Variants in GGT5 observed in about 807,000 individuals in gnomAD.
GGT5 encodes gamma-glutamyltransferase 5.
In GGT5, 50 loss-of-function variants were observed where a neutral mutation model predicts 58.1. The ratio of observed to expected loss-of-function variants is 0.86; its 90% CI spans 0.69 to 1.09. The LOEUF is 1.09. GGT5 is among the 50% of genes least tolerant of loss of function. GGT5 has a pLI of 0.00. For synonymous variants in GGT5, 370 were observed against 346.1 expected, an observed-to-expected ratio of 1.07 and a Z score of -0.77; for missense variants, 800 against 789.4, an observed-to-expected ratio of 1.01 and a Z score of -0.16.
chr22:24,231,336 G>A (rs1278893252), intron 6 of GGT5, 48 bp downstream of exon 6: 3 of 1,379,758 alleles, frequency 2.2e-6, no homozygotes, highest in South Asian at 1.3e-5. Flanking sequence ...CGGGGGCCGG[G>A]GGTGCGGGGG....
Position 24,219,974 on chromosome 22 carries a change from T to C in GGT5, c.1757A>G (p.Tyr586Cys), listed in dbSNP as rs1467161507. The change falls in exon 12 of 12, where the codon TAC (tyrosine) becomes TGC (cysteine). Residue 586 changes from tyrosine (Y) to cysteine (C), a missense_variant. Tyr to Cys is a radical substitution (Grantham distance 194). Transcript: ENST00000327365. ...AGCTCTGGGCAGAGCAGTGTCTTAG[T>C]AGCCTGCGGCCTCCCCACTCTTCCT... ...DLRKSGEAAGY is the reference protein window; with the variant it reads ...DLRKSGEAAGC 3 of 1,614,004 alleles carry C rather than the reference T, an allele frequency of 1.9e-6. No individual in the cohort carries two copies. The highest frequency in any genetic ancestry group is 2.5e-6 in the Non-Finnish European group (3 of 1,179,926).
At chr22:24,238,805 ATAATATATT>A in intron 1 of GGT5, among the ~76,000 whole-genome samples, 2 of 2,816 alleles carry the variant, frequency 7.1e-4, no homozygotes, top group East Asian at 0.011. Context: ...TTATATATAT[ATAATATATT>A]ATATATATAT....
intron 1 of GGT5, among the ~76,000 whole-genome samples, chr22:24,238,256 G>T (rs534078718): frequency 6.7e-6 from 1 of 149,910 alleles, no homozygotes; most frequent in Non-Finnish European, 1.5e-5. Context: ...AAGGCCAGGC[G>T]CGGTGACTCA....
chr22:24,220,059 G>A lies in GGT5; in HGVS notation c.1672C>T (p.Leu558=), dbSNP rs1362686747. The A allele has an allele frequency of 6.2e-7, 1 of 1,614,166 alleles. No homozygotes were observed. Among genetic ancestry groups the A allele is most frequent in the Admixed American group, 1.7e-5 (1 of 60,026 alleles). ...GQNQTQRPFF[L]NVVQAVSQEG... Reference sequence around the variant, plus strand: ...TGGGACACAGCCTGGACCACGTTCAGGAAGAAGGGCCTCTGGGTCTGGTTC... The same window carrying A: ...TGGGACACAGCCTGGACCACGTTCAAGAAGAAGGGCCTCTGGGTCTGGTTC... Residue 558 remains leucine (L), a synonymous_variant, in exon 12 of 12, where the codon CTG becomes TTG. Coordinates refer to ENST00000327365, the MANE Select transcript of GGT5 (RefSeq NM_004121.5).
intron 3 of GGT5, 144 bp from the exon 4 acceptor site, chr22:24,233,162 T>C: frequency 1.5e-6 from 1 of 662,714 alleles, no homozygotes; most frequent in Non-Finnish European, 2.5e-6. Context: ...CCTGCTCAAA[T>C]CACCTGTGGC....
Position 24,220,068 on chromosome 22 carries a change from G to A in GGT5, c.1663C>T (p.Pro555Ser), listed in dbSNP as rs368177509. The A allele has an allele frequency of 3.7e-6, 6 of 1,614,054 alleles. No individual in the cohort carries two copies. Among genetic ancestry groups the A allele is most frequent in the South Asian group, 1.1e-5 (1 of 91,078 alleles). ...QDRGQNQTQR[P>S]FFLNVVQAVS... ...GCCTGGACCACGTTCAGGAAGAAGG[G>A]CCTCTGGGTCTGGTTCTGGCCACGG... The change falls in exon 12 of 12, where the codon CCC (proline) becomes TCC (serine). Residue 555 changes from proline to serine, a missense_variant. Transcript: ENST00000327365.
chr22:24,238,897 ATATATATATT>A (rs568331996), intron 1 of GGT5, among the ~76,000 whole-genome samples: 13 of 12,518 alleles, frequency 1.0e-3, no homozygotes, highest in Middle Eastern at 0.033. Context: ...TATTTTATAT[ATATATATATT>A]ATATATATTA....
At chr22:24,241,390 C>A (rs2048325184) in intron 1 of GGT5, 1 of 152,164 alleles carries the variant, frequency 6.6e-6, no homozygotes, top group South Asian at 2.1e-4. Context: ...TGGAACCTAA[C>A]ATCTGTAGAG....
chr22:24,238,349 G>A (rs1352599723), intron 1 of GGT5, among the ~76,000 whole-genome samples: 1 of 151,896 alleles, frequency 6.6e-6, no homozygotes, highest in Non-Finnish European at 1.5e-5. Context: ...GGCGAATATG[G>A]TGAAACTCTG....
Position 24,232,095 on chromosome 22 carries a change from G to T in GGT5, c.710C>A (p.Thr237Lys). 6.2e-7 allele frequency: 1 copy of T among 1,612,912 alleles called. No individual in the cohort carries two copies. The highest frequency in any genetic ancestry group is 1.1e-5 in the South Asian group (1 of 90,872). Residue 237 changes from threonine (T) to lysine (K), a missense_variant, in exon 5 of 12, where the codon ACG (threonine) becomes AAG (lysine). Physicochemically the swap from Thr to Lys is moderately conservative, Grantham distance 78. Coordinates refer to ENST00000327365, the MANE Select transcript of GGT5 (RefSeq NM_004121.5). The stretch of plus-strand genomic sequence containing the variant: ...CACCAGCATCTGGCCCAGCCTCCCC[G>T]TGTAGAAGACCTCCACGCCCTCTGT... ...VATEGVEVFY[T>K]GRLGQMLVED... is the part of the protein sequence containing the mutation.
chr22:24,220,596 AAAAT>A (rs1191372471), intron 11 of GGT5: 1 of 450,728 alleles, frequency 2.2e-6, no homozygotes, highest in South Asian at 1.6e-5. Context: ...TAAAAAATAA[AAAAT>A]AAGAAATAAA....
At chr22:24,234,631 C>T (rs940018515) in intron 1 of GGT5, among the ~76,000 whole-genome samples, 5 of 152,132 alleles carry the variant, frequency 3.3e-5, no homozygotes, top group Non-Finnish European at 5.9e-5. Flanking sequence ...ACCAGCTTGG[C>T]CAACATGGTG....
At chr22:24,230,295 G>C (rs2047899676) in intron 6 of GGT5, among the ~76,000 whole-genome samples, 1 of 151,926 alleles carries the variant, frequency 6.6e-6, no homozygotes, top group African/African-American at 2.4e-5. Context: ...TTGTACCTGG[G>C]AGGCAGAGGT....
chr22:24,230,424 G>A (rs1008026489), intron 6 of GGT5, among the ~76,000 whole-genome samples: 4 of 151,628 alleles, frequency 2.6e-5, no homozygotes, highest in Non-Finnish European at 5.9e-5. Flanking sequence ...GGCGTGTGGT[G>A]GCCCATGCCT....
chr22:24,222,879 C>T (rs2047636315), intron 11 of GGT5, among the ~76,000 whole-genome samples: 2 of 150,620 alleles, frequency 1.3e-5, no homozygotes, highest in Non-Finnish European at 3.0e-5. Flanking sequence ...AGATCGAGAC[C>T]ATCCTGGCTA....
Position 24,236,777 on chromosome 22 carries a change from A to AT in GGT5, c.174-2774_174-2773insA, listed in dbSNP as rs2048110353. Reference sequence around the variant, plus strand: ...GACTCCATCTCAAAAAAAAAAAAAAAATCTGTTAAACGTAAATCAGACTTC... The same window carrying AT: ...GACTCCATCTCAAAAAAAAAAAAAAATATCTGTTAAACGTAAATCAGACTTC... On this transcript the variant is annotated intron_variant, in intron 1 of 11. Coordinates refer to ENST00000327365, the MANE Select transcript of GGT5 (RefSeq NM_004121.5). 4.6e-5 allele frequency among the ~76,000 whole-genome samples: 7 copies of AT among 151,428 alleles called. No individual in the cohort carries two copies. The South Asian group carries it at 1.5e-3, about 32-fold the overall frequency.
At chr22:24,237,598 A>G (rs945585764) in intron 1 of GGT5, among the ~76,000 whole-genome samples, 8 of 151,990 alleles carry the variant, frequency 5.3e-5, no homozygotes, top group South Asian at 4.1e-4. Context: ...CAGTAGAGAC[A>G]GGGTTTCACT....
chr22:24,219,807 G>T lies in GGT5; in HGVS notation c.*163C>A. 2 of 653,982 alleles carry T rather than the reference G, an allele frequency of 3.1e-6. No individual in the cohort carries two copies. The highest frequency in any genetic ancestry group is 1.9e-5 in the South Asian group (1 of 52,186). 40.5% of individuals were successfully genotyped at this position (653,982 alleles called of 1,614,324 possible). On this transcript the variant is annotated 3_prime_UTR_variant, in exon 12 of 12. Coordinates refer to ENST00000327365, the MANE Select transcript of GGT5 (RefSeq NM_004121.5). The stretch of plus-strand genomic sequence containing the variant: ...GAAAGGGGGTTAGGGATGAGGCTCA[G>T]CCTCTCATCTGCCCAGCTGGTCCCC...
intron 7 of GGT5, among the ~76,000 whole-genome samples, 168 bp downstream of exon 7, chr22:24,226,463 C>G (rs2275983): frequency 1.3e-5 from 2 of 152,298 alleles, no homozygotes; most frequent in East Asian, 3.9e-4. Context: ...CACTCCTGCA[C>G]CTGACCCCTG....
Sources: gnomAD v4.1 joint callset for allele counts (sites outside exome capture counted in the v4.1 genomes callset) on GRCh38, gnomAD v4.1.1 for gene constraint, MANE v1.5 for transcripts, NCBI Gene and HGNC (gene_info 2026-07-23, HGNC 2026-07-21) for gene names.